The following SMARCC1 variants were observed in gnomAD, a reference collection of about 807,000 sequenced individuals.
The protein encoded by SMARCC1 is SWI/SNF complex subunit SMARCC1.
SMARCC1 carries 43 observed loss-of-function variants against 147.4 expected under a neutral mutation model. That is an observed-to-expected ratio of 0.29 (90% CI 0.23 to 0.38). SMARCC1 has a LOEUF of 0.38. SMARCC1 is among the 10% of genes least tolerant of loss of function. SMARCC1 has a pLI of 1.00. For missense variants in SMARCC1, 1,119 were observed against 1,381.1 expected, an observed-to-expected ratio of 0.81 and a Z score of 3.01; for synonymous variants, 495 against 484.4, an observed-to-expected ratio of 1.02 and a Z score of -0.29.
At chr3:47,679,121 G>C (rs1256028607) in intron 15 of SMARCC1, among the ~76,000 whole-genome samples, 1 of 151,040 alleles carries the variant, frequency 6.6e-6, no homozygotes, top group African/African-American at 2.4e-5. Flanking sequence ...TTGAGACCTA[G>C]CAACAGTTCT....
chr3:47,772,730 C>T (rs1465062682), intron 2 of SMARCC1, 87 bp downstream of exon 2: 23 of 1,171,994 alleles, frequency 2.0e-5, no homozygotes, highest in Admixed American at 1.3e-4. Context: ...TACACGCTAG[C>T]AGCAGCAAAG....
At chr3:47,781,085 C>T (rs2035040704) in intron 1 of SMARCC1, among the ~76,000 whole-genome samples, 1 of 152,154 alleles carries the variant, frequency 6.6e-6, no homozygotes, top group Non-Finnish European at 1.5e-5. Flanking sequence ...GAACCAGAAG[C>T]ACGATGAGGT....
intron 21 of SMARCC1, among the ~76,000 whole-genome samples, chr3:47,653,858 G>A (rs957431805): frequency 3.9e-5 from 6 of 152,138 alleles, no homozygotes; most frequent in South Asian, 2.1e-4. Context: ...TCCAGATACC[G>A]TGAATGAATT....
chr3:47,742,143 A>C (rs942725645), intron 3 of SMARCC1, among the ~76,000 whole-genome samples: 1 of 151,914 alleles, frequency 6.6e-6, no homozygotes, highest in Non-Finnish European at 1.5e-5. Flanking sequence ...TATAGTTCTA[A>C]TTTGCATTCC....
chr3:47,639,988 C>T (rs1303911176), intron 21 of SMARCC1, among the ~76,000 whole-genome samples: 2 of 152,042 alleles, frequency 1.3e-5, no homozygotes, highest in East Asian at 3.9e-4. Context: ...AAAGTGAGTC[C>T]TCAACAAATT....
At chr3:47,749,174 C>T (rs1450076544) in intron 2 of SMARCC1, among the ~76,000 whole-genome samples, 6 of 151,810 alleles carry the variant, frequency 4.0e-5, no homozygotes, top group African/African-American at 7.3e-5. Flanking sequence ...CGTGGTGGCA[C>T]GCACCTGCAG....
At chr3:47,682,556 C>T (rs889884041) in intron 14 of SMARCC1, among the ~76,000 whole-genome samples, 1 of 152,110 alleles carries the variant, frequency 6.6e-6, no homozygotes, top group African/African-American at 2.4e-5. Context: ...AGCACCAGCC[C>T]CCTTTATCTA....
intron 2 of SMARCC1, among the ~76,000 whole-genome samples, chr3:47,752,037 T>C (rs1201721458): frequency 6.6e-6 from 1 of 152,058 alleles, no homozygotes; most frequent in Non-Finnish European, 1.5e-5. Flanking sequence ...TGAACCGAGA[T>C]TGCGCCACTG....
chr3:47,729,148 T>A, intron 5 of SMARCC1, 54 bp from the exon 6 acceptor site: 2 of 1,092,950 alleles, frequency 1.8e-6, no homozygotes, highest in African/African-American at 1.5e-5. Flanking sequence ...CAATGAACTA[T>A]GAGATTCCAG....
At chr3:47,757,739 C>A (rs1187998508) in intron 2 of SMARCC1, among the ~76,000 whole-genome samples, 4 of 150,410 alleles carry the variant, frequency 2.7e-5, no homozygotes, top group Non-Finnish European at 5.9e-5. Context: ...AGCCGAGATC[C>A]CGCCACTGCA....
At chr3:47,745,236 G>A (rs566660179) in intron 3 of SMARCC1, among the ~76,000 whole-genome samples, 2 of 151,804 alleles carry the variant, frequency 1.3e-5, no homozygotes, top group Non-Finnish European at 2.9e-5. Context: ...CAGCCTGGGC[G>A]AAAAAGCGCA....
At chr3:47,741,159 C>T (rs1285475071) in intron 3 of SMARCC1, among the ~76,000 whole-genome samples, 1 of 151,858 alleles carries the variant, frequency 6.6e-6, no homozygotes, top group Admixed American at 6.6e-5. Context: ...AAAACATGGA[C>T]AATCCTACGA....
chr3:47,713,624 G>T (rs1157202024), intron 8 of SMARCC1, among the ~76,000 whole-genome samples: 4 of 151,708 alleles, frequency 2.6e-5, no homozygotes, highest in Non-Finnish European at 4.4e-5. Flanking sequence ...GCTCAGGCTG[G>T]TCAAGCAATC....
intron 21 of SMARCC1, among the ~76,000 whole-genome samples, chr3:47,649,256 G>C (rs2033157233): frequency 1.3e-5 from 2 of 152,314 alleles, no homozygotes; most frequent in South Asian, 2.1e-4. Context: ...AGAAGTGCCT[G>C]ACTTTAAAAA....
intron 21 of SMARCC1, among the ~76,000 whole-genome samples, chr3:47,657,536 G>A (rs922863074): frequency 9.9e-5 from 15 of 152,122 alleles, no homozygotes; most frequent in African/African-American, 3.6e-4. Flanking sequence ...AGTGGCTCAC[G>A]CCTGTACTCC....
chr3:47,676,075 T>A (rs957587194), intron 17 of SMARCC1, among the ~76,000 whole-genome samples: 3 of 152,296 alleles, frequency 2.0e-5, no homozygotes, highest in Admixed American at 6.5e-5. Context: ...CATTTTGGTG[T>A]CCCTTTAAAT....
intron 18 of SMARCC1, among the ~76,000 whole-genome samples, chr3:47,673,981 T>C (rs1039647861): frequency 6.6e-6 from 1 of 152,202 alleles, no homozygotes; most frequent in Non-Finnish European, 1.5e-5. Flanking sequence ...GACTCACATG[T>C]TGACCTTTTT....
chr3:47,649,271 G>A (rs1283342947), intron 21 of SMARCC1, among the ~76,000 whole-genome samples: 1 of 152,188 alleles, frequency 6.6e-6, no homozygotes. Flanking sequence ...TAAAAATAAT[G>A]TTATGGAAAT....
intron 10 of SMARCC1, among the ~76,000 whole-genome samples, chr3:47,702,915 C>G (rs779992914): frequency 1.3e-5 from 2 of 151,288 alleles, no homozygotes; most frequent in Admixed American, 6.6e-5. Context: ...GTTTTGTTTT[C>G]TTTTCTTTTG....
Sources: allele counts gnomAD v4.1 joint callset (sites outside exome capture counted in the v4.1 genomes callset), GRCh38; gene constraint gnomAD v4.1.1; transcripts MANE v1.5; gene names NCBI Gene and HGNC (gene_info 2026-07-23, HGNC 2026-07-21).